Variants in S100PBP observed in about 807,000 individuals in gnomAD.
The protein encoded by S100PBP is S100P-binding protein.
Under a neutral mutation model 39.9 loss-of-function variants are expected in S100PBP, and 15 were observed. The observed-to-expected ratio is 0.38, with a 90% CI of 0.25 to 0.58. The LOEUF is 0.58. S100PBP is among the 20% of genes least tolerant of loss of function. S100PBP has a pLI of 0.70. For missense variants in S100PBP, 504 were observed against 487.3 expected, an observed-to-expected ratio of 1.03 and a Z score of -0.32; for synonymous variants, 178 against 180.3, an observed-to-expected ratio of 0.99 and a Z score of 0.10.
At chr1:32,838,333 CAAAAAAAAAAAA>C (rs770251816) in intron 5 of S100PBP, among the ~76,000 whole-genome samples, 1 of 67,876 alleles carries the variant, frequency 1.5e-5, no homozygotes, top group Non-Finnish European at 2.8e-5. Flanking sequence ...GACTCTGTCT[CAAAAAAAAAAAA>C]AAAAAAAAGA....
At chr1:32,851,985 T>C (rs931796108) in intron 5 of S100PBP, among the ~76,000 whole-genome samples, 2 of 152,192 alleles carry the variant, frequency 1.3e-5, no homozygotes, top group Non-Finnish European at 2.9e-5. Flanking sequence ...TATTGCATAG[T>C]GGCAAGGACA....
At chr1:32,841,142 CAG>C (rs1390581848) in intron 5 of S100PBP, among the ~76,000 whole-genome samples, 1 of 141,744 alleles carries the variant, frequency 7.1e-6, no homozygotes, top group Non-Finnish European at 1.5e-5. Context: ...GCCTGGGCGA[CAG>C]AGCAAGATTC....
chr1:32,821,661 G>C (rs1368690686), intron 1 of S100PBP, among the ~76,000 whole-genome samples: 1 of 118,668 alleles, frequency 8.4e-6, no homozygotes, highest in Non-Finnish European at 1.7e-5. Context: ...TTTTGATACA[G>C]TTTTACTCTG....
intron 5 of S100PBP, among the ~76,000 whole-genome samples, chr1:32,839,596 T>C (rs753032120): frequency 1.3e-5 from 2 of 151,746 alleles, no homozygotes; most frequent in Non-Finnish European, 2.9e-5. Context: ...GGCACAACCG[T>C]AGTGCAGTAC....
At chr1:32,836,296 C>T (rs1428851498) in intron 5 of S100PBP, 1 of 152,308 alleles carries the variant, frequency 6.6e-6, no homozygotes, top group Non-Finnish European at 1.5e-5. Flanking sequence ...CCACGTCTGG[C>T]TAATTTTTGT....
At chr1:32,820,756 A>G (rs1639019592) in intron 1 of S100PBP, among the ~76,000 whole-genome samples, 1 of 152,218 alleles carries the variant, frequency 6.6e-6, no homozygotes, top group African/African-American at 2.4e-5. Context: ...TAATCCCAGC[A>G]CTTTGGAAAA....
In S100PBP at chr1:32,826,557, C is replaced by G; in HGVS notation, c.458C>G (p.Pro153Arg). 6.2e-7 allele frequency: 1 copy of G among 1,613,794 alleles called. No individual in the cohort carries two copies. Among genetic ancestry groups the G allele is most frequent in the African/African-American group, 1.3e-5 (1 of 74,998 alleles). The part of the protein sequence containing the change: ...LIKVTVAPFN[P>R]TVCDALLDKD... ...AAAGTAACTGTTGCACCATTTAATC[C>G]AACAGTTTGTGATGCTCTGCTTGAT... The change falls in exon 3 of 7, where the codon CCA becomes CGA. Residue 153 changes from proline (P) to arginine (R), a missense_variant. Pro to Arg is a moderately radical substitution (Grantham distance 103). Coordinates refer to ENST00000373475, the MANE Select transcript of S100PBP (RefSeq NM_022753.4).
chr1:32,840,515 C>A (rs1404628945), intron 5 of S100PBP, among the ~76,000 whole-genome samples: 2 of 149,674 alleles, frequency 1.3e-5, no homozygotes, highest in East Asian at 4.1e-4. Flanking sequence ...CGCCACCACG[C>A]CTGGCTAATT....
intron 1 of S100PBP, among the ~76,000 whole-genome samples, chr1:32,819,282 A>T (rs1638928374): frequency 6.6e-6 from 1 of 152,220 alleles, no homozygotes; most frequent in South Asian, 2.1e-4. Flanking sequence ...AAATGAAGGG[A>T]TATGGCCAGA....
chr1:32,824,500 TCC>T (rs1223028928), intron 1 of S100PBP, among the ~76,000 whole-genome samples: 2 of 152,022 alleles, frequency 1.3e-5, no homozygotes, highest in Non-Finnish European at 2.9e-5. Flanking sequence ...TGATACAAAG[TCC>T]AACCTTGACC....
intron 5 of S100PBP, among the ~76,000 whole-genome samples, chr1:32,831,322 TCTG>T (rs1639589336): frequency 2.0e-5 from 3 of 151,652 alleles, no homozygotes; most frequent in African/African-American, 4.8e-5. Context: ...AAGGAGCCCT[TCTG>T]CTTGTGTTTG....
At chr1:32,818,329 G>A (rs941889230) in intron 1 of S100PBP, among the ~76,000 whole-genome samples, 1 of 152,264 alleles carries the variant, frequency 6.6e-6, no homozygotes, top group Non-Finnish European at 1.5e-5. Context: ...AGAGAGCCAA[G>A]GCAGTATCCT....
chr1:32,852,478 T>A (rs893311521), intron 5 of S100PBP, among the ~76,000 whole-genome samples: 3 of 152,200 alleles, frequency 2.0e-5, no homozygotes, highest in Non-Finnish European at 4.4e-5. Context: ...AGAAATTGCA[T>A]CTAGCAATTT....
In S100PBP at chr1:32,826,585, G is replaced by A. The variant is rs753152750; in HGVS notation, c.486G>A (p.Lys162=). The A allele has an allele frequency of 2.6e-5, 42 of 1,613,686 alleles. No homozygotes were observed. The East Asian group carries it at 8.7e-4, about 33-fold the overall frequency. ...NPTVCDALLD[K]DETDSSKDTE... is the part of the protein sequence containing the mutation. ...CAGTTTGTGATGCTCTGCTTGATAA[G>A]GACGAGACTGATTCGTCCAAAGATA... The change falls in exon 3 of 7, where the codon AAG becomes AAA. Residue 162 remains lysine (K), a synonymous_variant. Coordinates refer to ENST00000373475, the MANE Select transcript of S100PBP (RefSeq NM_022753.4).
intron 5 of S100PBP, among the ~76,000 whole-genome samples, chr1:32,852,298 G>T (rs1265942432): frequency 1.3e-5 from 2 of 151,596 alleles, no homozygotes; most frequent in Non-Finnish European, 2.9e-5. Flanking sequence ...GGACGACAGA[G>T]CAAGACTCTG....
chr1:32,820,122 CTT>C (rs1215913494), intron 1 of S100PBP, among the ~76,000 whole-genome samples: 12 of 129,064 alleles, frequency 9.3e-5, no homozygotes, highest in African/African-American at 3.2e-4. Context: ...GTTTAGCACT[CTT>C]TTTTCCTACC....
intron 4 of S100PBP, among the ~76,000 whole-genome samples, chr1:32,828,655 A>G (rs1156513852): frequency 6.6e-6 from 1 of 152,172 alleles, no homozygotes; most frequent in African/African-American, 2.4e-5. Context: ...CCTTACAGTG[A>G]GATTTAAAAA....
intron 5 of S100PBP, among the ~76,000 whole-genome samples, chr1:32,832,682 G>T (rs1005318720): frequency 6.6e-6 from 1 of 152,140 alleles, no homozygotes; most frequent in Non-Finnish European, 1.5e-5. Context: ...GTGAATTATA[G>T]TGCAGCCAGA....
intron 2 of S100PBP, 120 bp from the exon 3 acceptor site, chr1:32,825,978 T>C (rs1639303329): frequency 3.0e-6 from 2 of 677,100 alleles, no homozygotes; most frequent in Non-Finnish European, 5.1e-6. Flanking sequence ...AATTATTTCT[T>C]ATGCTACAAG....
Sources: gnomAD v4.1 joint callset for allele counts (sites outside exome capture counted in the v4.1 genomes callset) on GRCh38, gnomAD v4.1.1 for gene constraint, MANE v1.5 for transcripts, NCBI Gene and HGNC (gene_info 2026-07-23, HGNC 2026-07-21) for gene names.